Variants in DENND2C observed in about 807,000 individuals in gnomAD.
The protein encoded by DENND2C is DENN domain containing 2C.
In DENND2C, 72 loss-of-function variants were observed where a neutral mutation model predicts 112.4. The observed-to-expected ratio is 0.64, with a 90% confidence interval of 0.53 to 0.78. The LOEUF (loss-of-function observed/expected upper bound fraction) is 0.78. Among genes scored for constraint, DENND2C ranks in the 30% least tolerant of loss-of-function variants. DENND2C has a pLI of 0.00. For synonymous variants in DENND2C, 329 were observed against 381.6 expected (o/e 0.86, Z 1.61); for missense variants, 992 against 1,113.8 (o/e 0.89, Z 1.56).
intron 1 of DENND2C, among the ~76,000 whole-genome samples, chr1:114,664,188 T>C (rs1225815963): frequency 1.3e-5 from 2 of 152,128 alleles, no homozygotes; most frequent in Non-Finnish European, 2.9e-5. Flanking sequence ...GATCTTCCCA[T>C]CTTGGCCTCC....
chr1:114,624,163 T>TAGCC (rs1382268545), intron 4 of DENND2C, among the ~76,000 whole-genome samples: 1 of 152,236 alleles, frequency 6.6e-6, no homozygotes, highest in Non-Finnish European at 1.5e-5. Context: ...TGGATGCTTG[T>TAGCC]AGCCAATCAC....
intron 12 of DENND2C, 42 bp downstream of exon 12, chr1:114,602,083 T>A: frequency 6.2e-7 from 1 of 1,603,916 alleles, no homozygotes; most frequent in Non-Finnish European, 8.5e-7. Context: ...GACTCAATTA[T>A]TCCTTGACCA....
chr1:114,608,923 CT>C, intron 9 of DENND2C, 50 bp from the exon 10 acceptor site: 1 of 1,600,190 alleles, frequency 6.2e-7, no homozygotes, highest in Non-Finnish European at 8.5e-7. Context: ...CCCTACCTTC[CT>C]TTCAGCATCC....
intron 18 of DENND2C, among the ~76,000 whole-genome samples, chr1:114,590,505 G>A (rs914857430): frequency 1.5e-4 from 23 of 152,056 alleles, no homozygotes; most frequent in Non-Finnish European, 2.9e-4. Context: ...TTGGCCGGGC[G>A]CGGTGGCTCA....
chr1:114,642,242 C>T (rs1205016756), intron 3 of DENND2C, among the ~76,000 whole-genome samples: 13 of 152,112 alleles, frequency 8.5e-5, no homozygotes, highest in South Asian at 4.1e-4. Context: ...TGAGCCACCG[C>T]GCCCAGCTAA....
chr1:114,622,850 T>TAA, intron 6 of DENND2C, 137 bp downstream of exon 6: 2 of 482,124 alleles, frequency 4.1e-6, no homozygotes, highest in Admixed American at 4.3e-5. Context: ...AAAACAAAAA[T>TAA]TAAAAAAACT....
At chr1:114,592,495 A>G (rs1655221644) in intron 18 of DENND2C, among the ~76,000 whole-genome samples, 1 of 152,026 alleles carries the variant, frequency 6.6e-6, no homozygotes, top group South Asian at 2.1e-4. Flanking sequence ...AGGTGGGTGA[A>G]TTGCTTGAGC....
intron 5 of DENND2C, 81 bp from the exon 6 acceptor site, chr1:114,623,180 G>A (rs1347455380): frequency 7.6e-7 from 1 of 1,317,578 alleles, no homozygotes; most frequent in South Asian, 1.4e-5. Flanking sequence ...GAAAGAAAAA[G>A]CTAACTATGT....
intron 3 of DENND2C, among the ~76,000 whole-genome samples, chr1:114,641,876 T>C (rs1462473650): frequency 6.6e-6 from 1 of 152,146 alleles, no homozygotes; most frequent in African/African-American, 2.4e-5. Flanking sequence ...GTTTTTATGA[T>C]GCATACAAAA....
At chr1:114,650,198 C>T (rs1657115295) in intron 2 of DENND2C, among the ~76,000 whole-genome samples, 1 of 151,994 alleles carries the variant, frequency 6.6e-6, no homozygotes, top group African/African-American at 2.4e-5. Context: ...TGTTGCACGC[C>T]TGTAATCCCA....
intron 18 of DENND2C, among the ~76,000 whole-genome samples, chr1:114,590,863 A>C (rs555300500): frequency 6.6e-6 from 1 of 152,172 alleles, no homozygotes; most frequent in South Asian, 2.1e-4. Context: ...TACAAACTAC[A>C]CTGTTGGGTT....
At chr1:114,623,270 C>A (rs1656216591) in intron 5 of DENND2C, among the ~76,000 whole-genome samples, 171 bp from the exon 6 acceptor site, 1 of 151,994 alleles carries the variant, frequency 6.6e-6, no homozygotes, top group African/African-American at 2.4e-5. Flanking sequence ...TTCAACAGAG[C>A]TAAAAGAATT....
Position 114,625,700 on chromosome 1 carries a change from A to T in DENND2C, c.285T>A (p.Asn95Lys). Residue 95 changes from asparagine to lysine, a missense_variant, in exon 4 of 21, where the codon AAT becomes AAA. Asn to Lys is a moderately conservative substitution (Grantham distance 94). Around this residue, in one of 3 missense-constraint regions of DENND2C, gnomAD observed 470 missense variants for 472.7 expected, o/e 0.99. Coordinates refer to ENST00000393274, the MANE Select transcript of DENND2C (RefSeq NM_001256404.2). ...CGTCATATTCATGTTTCTTATTTTC[A>T]TTCTCACTTTGATCATGGCTTTTGG... The part of the protein sequence containing the change: ...ENTKSHDQSE[N>K]ENKKHEYDDT... 2 of 1,613,896 alleles carry T rather than the reference A, an allele frequency of 1.2e-6. No homozygotes were observed. The highest frequency in any genetic ancestry group is 1.7e-6 in the Non-Finnish European group (2 of 1,179,964).
chr1:114,641,260 CAAA>C (rs11316853), intron 3 of DENND2C, among the ~76,000 whole-genome samples: 7 of 99,022 alleles, frequency 7.1e-5, no homozygotes, highest in Non-Finnish European at 1.0e-4. Context: ...GATCCTTTCT[CAAA>C]AAAAAAAAAA....
At chr1:114,607,534 C>T (rs572730249) in intron 10 of DENND2C, among the ~76,000 whole-genome samples, 1 of 152,234 alleles carries the variant, frequency 6.6e-6, no homozygotes, top group South Asian at 2.1e-4. Context: ...TTCTTTTACA[C>T]AAACACTATG....
Position 114,587,862 on chromosome 1 carries a change from T to G in DENND2C, c.2522A>C (p.Glu841Ala), listed in dbSNP as rs768244184. The change falls in exon 19 of 21, where the codon GAG becomes GCG. Residue 841 changes from glutamate (E) to alanine (A), a missense_variant. Glu to Ala is a moderately radical substitution (Grantham distance 107). Coordinates refer to ENST00000393274, the MANE Select transcript of DENND2C (RefSeq NM_001256404.2). ...GHYSLNMTVT[E>A]RGERVFQREP... is the part of the protein sequence containing the mutation. ...CCTTTGGAAAACACGCTCCCCACGC[T>G]CAGTGACAGTCATGTTCAAAGAATA... 1.3e-5 allele frequency: 21 copies of G among 1,613,948 alleles called. No homozygotes were observed. The African/African-American group carries it at 2.7e-4, about 21-fold the overall frequency.
rs549858565 is a variant in DENND2C, at chr1:114,608,852, T to G, written c.1391A>C (p.Gln464Pro). ...ATTCCTCTTGGAAGACGGTTGCAGT[T>G]GTGCTAAGCGTTTATGGCGATCTGT... ...LPKNRHKRLAQLQPSSKRNPH... is the reference protein window; with the variant it reads ...LPKNRHKRLAPLQPSSKRNPH... The change falls in exon 10 of 21, where the codon CAA (glutamine) becomes CCA (proline). Residue 464 changes from glutamine to proline, a missense_variant. Gln to Pro is a moderately conservative substitution (Grantham distance 76). Coordinates refer to ENST00000393274, the MANE Select transcript of DENND2C (RefSeq NM_001256404.2). The G allele has an allele frequency of 6.2e-7, 1 of 1,614,206 alleles. No homozygotes were observed. The highest frequency in any genetic ancestry group is 1.1e-5 in the South Asian group (1 of 91,078).
At chr1:114,637,651 G>C (rs1656694311) in intron 3 of DENND2C, among the ~76,000 whole-genome samples, 1 of 151,860 alleles carries the variant, frequency 6.6e-6, no homozygotes, top group African/African-American at 2.4e-5. Flanking sequence ...CAAGACTGCA[G>C]GTGTATGCCA....
chr1:114,623,179 A>T, intron 5 of DENND2C, 80 bp from the exon 6 acceptor site: 1 of 1,330,814 alleles, frequency 7.5e-7, no homozygotes, highest in Non-Finnish European at 1.0e-6. Flanking sequence ...AGAAAGAAAA[A>T]GCTAACTATG....
Sources: gnomAD v4.1 joint callset for allele counts (sites outside exome capture counted in the v4.1 genomes callset) on GRCh38, gnomAD v4.1.1 for gene constraint, gnomAD v4.1.1 regional missense constraint, MANE v1.5 for transcripts, NCBI Gene and HGNC (gene_info 2026-07-23, HGNC 2026-07-21) for gene names.